Variants in KCNQ5 observed in about 807,000 individuals in gnomAD.
KCNQ5 encodes potassium voltage-gated channel subfamily KQT member 5.
A neutral mutation model predicts 98.2 loss-of-function variants in KCNQ5; 30 were observed. The observed-to-expected ratio is 0.31, with a 90% CI of 0.23 to 0.41. The LOEUF is 0.41. Ranked by LOEUF, KCNQ5 falls within the 10% of genes least tolerant of loss-of-function variation. The pLI, the probability that KCNQ5 is intolerant of heterozygous loss-of-function variation, is 1.00. For synonymous variants in KCNQ5, 458 were observed against 449.4 expected (o/e 1.02, Z -0.24); for missense variants, 835 against 1,182.5 (o/e 0.71, Z 4.31).
At chr6:73,124,557 A>G in intron 9 of KCNQ5, 45 bp downstream of exon 9, 1 of 1,566,160 alleles carries the variant, frequency 6.4e-7, no homozygotes, top group Non-Finnish European at 8.8e-7. Flanking sequence ...TAAATCTGAT[A>G]CCTACCAGGT....
chr6:72,987,982 G>A (rs1037612499), intron 1 of KCNQ5, among the ~76,000 whole-genome samples: 8 of 152,202 alleles, frequency 5.3e-5, no homozygotes, highest in African/African-American at 1.9e-4. Flanking sequence ...TTGAACACCT[G>A]TGGAGACTAA....
At chr6:72,993,972 G>A (rs1259095999) in intron 1 of KCNQ5, among the ~76,000 whole-genome samples, 2 of 92,904 alleles carry the variant, frequency 2.2e-5, no homozygotes, top group East Asian at 3.2e-4. Context: ...TAGGCTGCTC[G>A]GGGGTCAGGG....
rs559052220 is a variant in KCNQ5 at position 73,082,047 on chromosome 6, T to C, written c.918+4160T>C. Among the ~76,000 whole-genome samples the C allele has an allele frequency of 4.2e-4, 64 of 152,306 alleles. 1 individual carries two copies. The South Asian group carries it at 0.013, about 32-fold the overall frequency. On this transcript the variant is annotated intron_variant, in intron 5 of 13. Coordinates refer to ENST00000370398, the MANE Select transcript of KCNQ5 (RefSeq NM_019842.4). ...TGACTGTATTTGAGCATAGGAAACA[T>C]AAGGGCCAAAATATATCTAAGCTGT...
chr6:72,897,284 T>C (rs965908491), intron 1 of KCNQ5, among the ~76,000 whole-genome samples: 73 of 152,278 alleles, frequency 4.8e-4, no homozygotes, highest in African/African-American at 1.5e-3. Context: ...CTTACGTCTG[T>C]AATCCCAGCA....
At chr6:72,780,711 C>A (rs1418575044) in intron 1 of KCNQ5, among the ~76,000 whole-genome samples, 1 of 152,086 alleles carries the variant, frequency 6.6e-6, no homozygotes, top group East Asian at 1.9e-4. Flanking sequence ...TGGTAATCAA[C>A]TGGATAACAT....
At chr6:72,978,383 A>G (rs1768258280) in intron 1 of KCNQ5, among the ~76,000 whole-genome samples, 1 of 152,238 alleles carries the variant, frequency 6.6e-6, no homozygotes, top group Non-Finnish European at 1.5e-5. Flanking sequence ...TCAGCCATGA[A>G]CTGCATGTCC....
intron 1 of KCNQ5, among the ~76,000 whole-genome samples, chr6:72,643,258 AAAAG>A (rs1201863019): frequency 6.6e-6 from 1 of 152,158 alleles, no homozygotes; most frequent in Non-Finnish European, 1.5e-5. Context: ...CCCTGAACTT[AAAAG>A]TTATTTTAAA....
rs1478651336 is a variant in KCNQ5, at chr6:72,971,407, A to C, written c.399-32501A>C. 2.0e-5 allele frequency among the ~76,000 whole-genome samples: 3 copies of C among 152,328 alleles called. No homozygotes were observed. The East Asian group carries it at 5.8e-4, about 29-fold the overall frequency. ...TTTTACACTGTTGGTGGGACTGTAA[A>C]CTAGTTCAACCATTGTGGAAGACAG... On this transcript the variant is annotated intron_variant, in intron 1 of 13. Transcript: ENST00000370398.
intron 1 of KCNQ5, among the ~76,000 whole-genome samples, chr6:72,899,220 A>ACAAAAGATTTACATTT (rs1241418066): frequency 6.6e-6 from 1 of 152,150 alleles, no homozygotes; most frequent in Non-Finnish European, 1.5e-5. Flanking sequence ...TTTACATTTT[A>ACAAAAGATTTACATTT]ACAAAAAGAT....
intron 1 of KCNQ5, among the ~76,000 whole-genome samples, chr6:72,740,381 T>C (rs2154476135): frequency 6.6e-6 from 1 of 152,272 alleles, no homozygotes; most frequent in East Asian, 1.9e-4. Flanking sequence ...TCCGGTTCAG[T>C]TTGTCTTGAG....
At chr6:73,091,723 T>TTG (rs1774258278) in intron 5 of KCNQ5, among the ~76,000 whole-genome samples, 1 of 20,000 alleles carries the variant, frequency 5.0e-5, no homozygotes, top group Non-Finnish European at 7.6e-4. Flanking sequence ...TGGGTTTGTT[T>TTG]TTGTTGTTGT....
chr6:73,159,396 T>G (rs777003769), intron 10 of KCNQ5, among the ~76,000 whole-genome samples: 2 of 152,202 alleles, frequency 1.3e-5, no homozygotes, highest in Non-Finnish European at 2.9e-5. Context: ...AACTGTTGGA[T>G]AGTTCCTGGG....
intron 1 of KCNQ5, among the ~76,000 whole-genome samples, chr6:72,831,806 T>A (rs1222361791): frequency 2.0e-5 from 3 of 152,058 alleles, no homozygotes; most frequent in Non-Finnish European, 4.4e-5. Flanking sequence ...AGAGCCCTTT[T>A]ACTAGGGTTA....
chr6:73,088,743 C>G (rs983364632), intron 5 of KCNQ5, among the ~76,000 whole-genome samples: 11 of 152,220 alleles, frequency 7.2e-5, no homozygotes, highest in African/African-American at 2.7e-4. Flanking sequence ...CACCTTTACT[C>G]CAAAACCTTC....
At chr6:72,640,586 C>G (rs1033860849) in intron 1 of KCNQ5, 1 of 152,082 alleles carries the variant, frequency 6.6e-6, no homozygotes, top group African/African-American at 2.4e-5. Context: ...CTTCAGAAAT[C>G]AAGCCATATT....
At chr6:73,194,404 T>G (rs554243442) in intron 13 of KCNQ5, 48 bp from the exon 14 acceptor site, 1 of 1,523,650 alleles carries the variant, frequency 6.6e-7, no homozygotes, top group Non-Finnish European at 8.8e-7. Flanking sequence ...TGAAGTCCAT[T>G]CTTAATAACA....
Position 72,950,166 on chromosome 6 carries a change from T to C in KCNQ5, c.399-53742T>C, listed in dbSNP as rs191960909. Among the ~76,000 whole-genome samples the C allele has an allele frequency of 2.0e-3, 308 of 152,346 alleles. 3 individuals are homozygous for C. The highest frequency in any genetic ancestry group is 6.0e-3 in the African/African-American group (250 of 41,594). ...GCTAAGAAAAACTAAGAATTTTGCC[T>C]GCTAGAAGTTTGATCTCTTGCTGCT... is the stretch of plus-strand genomic sequence containing the variant. On this transcript the variant is annotated intron_variant, in intron 1 of 13. Transcript: ENST00000370398.
chr6:72,650,882 C>T (rs1765840030), intron 1 of KCNQ5, among the ~76,000 whole-genome samples: 1 of 151,962 alleles, frequency 6.6e-6, no homozygotes, highest in South Asian at 2.1e-4. Flanking sequence ...ATGAAATGTG[C>T]AGTAACTAAT....
intron 1 of KCNQ5, among the ~76,000 whole-genome samples, chr6:72,836,782 T>A (rs1776524418): frequency 6.6e-6 from 1 of 152,192 alleles, no homozygotes; most frequent in Non-Finnish European, 1.5e-5. Flanking sequence ...TACAAGGTAA[T>A]TTATTGTTTC....
Sources: gnomAD v4.1 joint callset for allele counts (sites outside exome capture counted in the v4.1 genomes callset) on GRCh38, gnomAD v4.1.1 for gene constraint, MANE v1.5 for transcripts, NCBI Gene and HGNC (gene_info 2026-07-23, HGNC 2026-07-21) for gene names.